Variants in BNC2 observed in about 807,000 individuals in gnomAD.
BNC2 encodes basonuclin zinc finger protein 2, also known as zinc finger protein basonuclin-2.
A neutral mutation model predicts 76.3 loss-of-function variants in BNC2; 20 were observed. That is an observed-to-expected ratio of 0.26 (90% CI 0.18 to 0.38). BNC2 has a LOEUF of 0.38. BNC2 is among the 10% of genes least tolerant of loss of function. BNC2 has a pLI of 1.00. For synonymous variants in BNC2, 582 were observed against 514.8 expected (o/e 1.13, Z -1.77); for missense variants, 1,382 against 1,399.8 (o/e 0.99, Z 0.20).
intron 1 of BNC2, among the ~76,000 whole-genome samples, chr9:16,763,633 CAAAT>C (rs1235907497): frequency 6.6e-6 from 1 of 152,086 alleles, no homozygotes; most frequent in African/African-American, 2.4e-5. Flanking sequence ...AGTTAGGAAA[CAAAT>C]AAAACATACA....
At chr9:16,716,469 G>A (rs933019158) in intron 3 of BNC2, among the ~76,000 whole-genome samples, 4 of 151,730 alleles carry the variant, frequency 2.6e-5, no homozygotes, top group African/African-American at 9.7e-5. Flanking sequence ...TTTTTTACAT[G>A]AAAGCAATTG....
At chr9:16,734,216 T>C (rs1004242723) in intron 2 of BNC2, among the ~76,000 whole-genome samples, 2 of 152,210 alleles carry the variant, frequency 1.3e-5, no homozygotes, top group African/African-American at 4.8e-5. Flanking sequence ...CTACTGGATC[T>C]AACCTAGTGC....
In BNC2 at chr9:16,436,223, ATCT is replaced by A; in HGVS notation, c.1968_1970del (p.Glu656del). The stretch of plus-strand genomic sequence containing the variant: ...CAGCTCCACCATCATTGGGGTCATC[ATCT>A]TCATCATCAAACTCATCGGCGGTAT... On this transcript the variant is annotated inframe_deletion, in exon 6 of 7. Coordinates refer to ENST00000380672, the MANE Select transcript of BNC2 (RefSeq NM_017637.6). 1 of 1,614,072 alleles carries A rather than the reference ATCT, an allele frequency of 6.2e-7. No individual in the cohort carries two copies. The highest frequency in any genetic ancestry group is 1.1e-5 in the South Asian group (1 of 91,068).
At chr9:16,813,988 C>T (rs554453658) in intron 1 of BNC2, among the ~76,000 whole-genome samples, 89 of 152,272 alleles carry the variant, frequency 5.8e-4, no homozygotes, top group African/African-American at 2.0e-3. Context: ...TCCCCAGACA[C>T]GGTGTACTAA....
chr9:16,815,406 T>C (rs930616834), intron 1 of BNC2, among the ~76,000 whole-genome samples: 1 of 152,186 alleles, frequency 6.6e-6, no homozygotes, highest in African/African-American at 2.4e-5. Flanking sequence ...TAGGAGAGAT[T>C]AGATATGGAA....
intron 6 of BNC2, chr9:16,430,069 G>A: frequency 2.2e-6 from 1 of 464,368 alleles, no homozygotes. Flanking sequence ...CTTGAGGAGG[G>A]CACAACTAGC....
chr9:16,467,529 G>A (rs1821719990), intron 5 of BNC2, among the ~76,000 whole-genome samples: 1 of 124,616 alleles, frequency 8.0e-6, no homozygotes, highest in Non-Finnish European at 1.6e-5. Flanking sequence ...CATGTCCTTT[G>A]TAGGGACATG....
At chr9:16,590,279 G>A (rs955607736) in intron 3 of BNC2, among the ~76,000 whole-genome samples, 4 of 151,894 alleles carry the variant, frequency 2.6e-5, no homozygotes, top group South Asian at 2.1e-4. Context: ...TGCAACCTCC[G>A]CCTCCCAGGT....
intron 1 of BNC2, among the ~76,000 whole-genome samples, chr9:16,764,842 T>A (rs1586865278): frequency 6.6e-6 from 1 of 151,422 alleles, no homozygotes; most frequent in African/African-American, 2.4e-5. Flanking sequence ...ACAATAAGCT[T>A]ATGGTCAATG....
chr9:16,412,688 A>G lies in BNC2; in HGVS notation c.*6301T>C. ...TGTGTGTATGTGCTTGTATGTTAGGAGGGGAGAATAAGAGGGAAGGAGAGA... is the reference window on the plus strand; with the variant it reads ...TGTGTGTATGTGCTTGTATGTTAGGGGGGGAGAATAAGAGGGAAGGAGAGA... On this transcript the variant is annotated 3_prime_UTR_variant, in exon 7 of 7. Transcript: ENST00000380672. 1 of 142,132 alleles carries G rather than the reference A, an allele frequency of 7.0e-6. No homozygotes were observed. The allele number at this position is 142,132 out of a possible 1,614,324, so 8.8% of individuals were successfully genotyped here. A position where few individuals can be genotyped will look rare whatever the true frequency, so the allele number is the denominator to read the frequency against.
intron 3 of BNC2, among the ~76,000 whole-genome samples, chr9:16,673,628 T>G (rs181059867): frequency 1.3e-5 from 2 of 152,298 alleles, no homozygotes; most frequent in East Asian, 3.9e-4. Flanking sequence ...TTCACAAGGC[T>G]AACCAGCCAG....
chr9:16,743,508 G>A (rs1824910654), intron 1 of BNC2, among the ~76,000 whole-genome samples: 1 of 152,180 alleles, frequency 6.6e-6, no homozygotes. Flanking sequence ...GGACCTTTGT[G>A]TAGTATTGTG....
chr9:16,610,569 C>T (rs557311333), intron 3 of BNC2, among the ~76,000 whole-genome samples: 15 of 152,224 alleles, frequency 9.9e-5, no homozygotes, highest in Middle Eastern at 3.4e-3. Flanking sequence ...AGAATTTAAA[C>T]GCAATCAGTG....
At chr9:16,527,493 G>A (rs1458974165) in intron 5 of BNC2, among the ~76,000 whole-genome samples, 1 of 152,136 alleles carries the variant, frequency 6.6e-6, no homozygotes, top group Non-Finnish European at 1.5e-5. Flanking sequence ...TCAGCTGCCT[G>A]CTTGTGAAGC....
At chr9:16,736,163 G>A (rs561192000) in intron 2 of BNC2, among the ~76,000 whole-genome samples, 1 of 151,584 alleles carries the variant, frequency 6.6e-6, no homozygotes, top group South Asian at 2.1e-4. Flanking sequence ...GAACCTGGGA[G>A]GCAGAGGTTG....
intron 6 of BNC2, chr9:16,434,850 C>G (rs1261953829): frequency 2.2e-6 from 1 of 457,620 alleles, no homozygotes; most frequent in East Asian, 7.0e-5. Flanking sequence ...GCATGGTAGA[C>G]TATAGTTTAG....
intron 1 of BNC2, among the ~76,000 whole-genome samples, chr9:16,851,857 C>A (rs2136159341): frequency 6.6e-6 from 1 of 152,294 alleles, no homozygotes; most frequent in East Asian, 1.9e-4. Flanking sequence ...ACTTCTCACA[C>A]ATATGTTAGC....
intron 3 of BNC2, among the ~76,000 whole-genome samples, chr9:16,647,192 C>T (rs993401881): frequency 6.6e-6 from 1 of 152,068 alleles, no homozygotes; most frequent in Non-Finnish European, 1.5e-5. Context: ...GAGATTTGGG[C>T]ACAGCACATG....
chr9:16,418,969 T>C lies in BNC2; in HGVS notation c.*20A>G, dbSNP rs370320994. ...TAGGCCATCTGGTGAGAGCTGGCAT[T>C]TGTAGTGTCCATTCTGAGACTAATC... On this transcript the variant is annotated 3_prime_UTR_variant, in exon 7 of 7. Coordinates refer to ENST00000380672, the MANE Select transcript of BNC2 (RefSeq NM_017637.6). 6 of 1,613,648 alleles carry C rather than the reference T, an allele frequency of 3.7e-6. No individual in the cohort carries two copies. The African/African-American group carries it at 8.0e-5, about 22-fold the overall frequency.
Sources: allele counts gnomAD v4.1 joint callset (sites outside exome capture counted in the v4.1 genomes callset), GRCh38; gene constraint gnomAD v4.1.1; transcripts MANE v1.5; gene names NCBI Gene and HGNC (gene_info 2026-07-23, HGNC 2026-07-21).